EXOC4: variants seen among roughly 807,000 people sequenced by gnomAD.
EXOC4 encodes the protein SEC8-like 1.
EXOC4 carries 71 observed loss-of-function variants against 107.2 expected under a neutral mutation model. The observed-to-expected ratio is 0.66, with a 90% CI of 0.55 to 0.81. EXOC4 has a LOEUF of 0.81. Among genes scored for constraint, EXOC4 ranks in the 30% least tolerant of loss-of-function variants. The pLI is 0.00. For synonymous variants in EXOC4, 456 were observed against 441.2 expected (o/e 1.03, Z -0.42); for missense variants, 1,108 against 1,189.6 (o/e 0.93, Z 1.01).
chr7:133,484,220 A>G (rs1316104092), intron 9 of EXOC4: 8 of 1,460,540 alleles, frequency 5.5e-6, no homozygotes, highest in Non-Finnish European at 6.3e-6. Flanking sequence ...GGTGTTATCA[A>G]TGCATCTCAA....
intron 10 of EXOC4, among the ~76,000 whole-genome samples, chr7:133,784,381 G>A (rs1796527468): frequency 6.6e-6 from 1 of 152,038 alleles, no homozygotes; most frequent in Non-Finnish European, 1.5e-5. Context: ...TCATTCATTT[G>A]CCTTCTAATT....
intron 9 of EXOC4, among the ~76,000 whole-genome samples, chr7:133,505,796 A>T (rs1799655336): frequency 6.6e-6 from 1 of 152,192 alleles, no homozygotes; most frequent in Admixed American, 6.5e-5. Context: ...TAATGTAAAA[A>T]AAAGTTATAA....
rs531242088 is a variant in EXOC4 at position 133,552,651 on chromosome 7, G to A, written c.1417+72513G>A. Among the ~76,000 whole-genome samples, 153 of 152,068 alleles carry A rather than the reference G, an allele frequency of 1.0e-3. 1 individual carries two copies. The highest frequency in any genetic ancestry group is 3.1e-3 in the African/African-American group (129 of 41,470). On this transcript the variant is annotated intron_variant, in intron 9 of 17. Coordinates refer to ENST00000253861, the MANE Select transcript of EXOC4 (RefSeq NM_021807.4). Reference sequence around the variant, plus strand: ...GACTTAGAATGGGAGTAATGAGGAGGGATAGTTTCCTTAACTAGTGATAGA... The same window carrying A: ...GACTTAGAATGGGAGTAATGAGGAGAGATAGTTTCCTTAACTAGTGATAGA...
intron 11 of EXOC4, among the ~76,000 whole-genome samples, chr7:133,871,216 TC>T (rs1466197807): frequency 6.6e-6 from 1 of 152,090 alleles, no homozygotes; most frequent in African/African-American, 2.4e-5. Context: ...GTGTTGCTTT[TC>T]ATCTCTTCCC....
the EXOC4 span, among the ~76,000 whole-genome samples, chr7:134,072,191 G>A: frequency 6.6e-6 from 1 of 152,182 alleles, no homozygotes; most frequent in Non-Finnish European, 1.5e-5. Flanking sequence ...GGCTCAACAT[G>A]TTGCCTTAGC....
At chr7:134,002,334 T>C (rs1377764167) in intron 15 of EXOC4, among the ~76,000 whole-genome samples, 1 of 152,138 alleles carries the variant, frequency 6.6e-6, no homozygotes, top group Admixed American at 6.6e-5. Flanking sequence ...TTAAAATGGA[T>C]CATTCAACTA....
intron 17 of EXOC4, among the ~76,000 whole-genome samples, chr7:134,041,438 A>G (rs1252479161): frequency 6.6e-6 from 1 of 152,234 alleles, no homozygotes; most frequent in African/African-American, 2.4e-5. Context: ...CCAGATTAGC[A>G]ATTTTACTGA....
chr7:133,348,831 C>T (rs1400109323), intron 5 of EXOC4, among the ~76,000 whole-genome samples: 1 of 152,060 alleles, frequency 6.6e-6, no homozygotes, highest in African/African-American at 2.4e-5. Context: ...TTTTGATCTG[C>T]CTTCAGAGTT....
intron 10 of EXOC4, among the ~76,000 whole-genome samples, chr7:133,662,677 C>T (rs1793720050): frequency 6.6e-6 from 1 of 151,976 alleles, no homozygotes; most frequent in African/African-American, 2.4e-5. Flanking sequence ...TTGTCCCATT[C>T]CTCCTCTTTT....
chr7:133,904,266 A>C (rs1799519110), intron 12 of EXOC4, among the ~76,000 whole-genome samples: 2 of 152,210 alleles, frequency 1.3e-5, no homozygotes, highest in South Asian at 4.1e-4. Context: ...AAAATCCCTG[A>C]AATTATGTTT....
At chr7:133,752,110 A>G (rs1405878765) in intron 10 of EXOC4, among the ~76,000 whole-genome samples, 1 of 152,136 alleles carries the variant, frequency 6.6e-6, no homozygotes, top group Non-Finnish European at 1.5e-5. Flanking sequence ...ACAGTGAGCT[A>G]TGATCGTGCC....
At chr7:134,016,914 T>C (rs1166949941) in intron 17 of EXOC4, among the ~76,000 whole-genome samples, 2 of 152,180 alleles carry the variant, frequency 1.3e-5, no homozygotes, top group Non-Finnish European at 2.9e-5. Flanking sequence ...GTCTGTGGTC[T>C]CCTAAATCTC....
At chr7:133,992,033 G>A (rs900030412) in intron 14 of EXOC4, among the ~76,000 whole-genome samples, 1 of 151,990 alleles carries the variant, frequency 6.6e-6, no homozygotes, top group Admixed American at 6.6e-5. Context: ...GAATCTGTAG[G>A]TTGCTTTTGG....
intron 11 of EXOC4, among the ~76,000 whole-genome samples, chr7:133,821,061 C>G (rs1329223615): frequency 6.6e-6 from 1 of 152,178 alleles, no homozygotes; most frequent in Admixed American, 6.6e-5. Flanking sequence ...TTAGCCCAAG[C>G]TGATACAGCA....
rs1364939228 is a variant in EXOC4, at chr7:133,890,664, C to T, written c.1735-4935C>T. 9.6e-5 allele frequency among the ~76,000 whole-genome samples: 3 copies of T among 31,248 alleles called. No homozygotes were observed. The East Asian group carries it at 2.8e-3, about 29-fold the overall frequency. The allele number at this position is 31,248 out of a possible 152,430, so 20.5% of individuals were successfully genotyped here. A position where few individuals can be genotyped will look rare whatever the true frequency, so the allele number is the denominator to read the frequency against. ...TATGGCTAGCCAGTTTTCCCAGCAC[C>T]ATTTATTAAATAGGGAATCCTTTCC... On this transcript the variant is annotated intron_variant, in intron 11 of 17. Transcript: ENST00000253861.
At chr7:134,054,705 A>G (rs1795880913) in intron 17 of EXOC4, among the ~76,000 whole-genome samples, 1 of 152,198 alleles carries the variant, frequency 6.6e-6, no homozygotes, top group Non-Finnish European at 1.5e-5. Context: ...GCCATTCAGA[A>G]TAAATTCATT....
intron 11 of EXOC4, among the ~76,000 whole-genome samples, chr7:133,843,517 T>C (rs1798063456): frequency 6.6e-6 from 1 of 152,218 alleles, no homozygotes; most frequent in African/African-American, 2.4e-5. Flanking sequence ...ACATTGATTT[T>C]GTATCCTGAA....
At chr7:133,855,648 C>A (rs1456649256) in intron 11 of EXOC4, among the ~76,000 whole-genome samples, 3 of 152,074 alleles carry the variant, frequency 2.0e-5, no homozygotes, top group African/African-American at 7.2e-5. Context: ...TAGTGTGTAC[C>A]TTTCTCTTTG....
intron 7 of EXOC4, among the ~76,000 whole-genome samples, chr7:133,474,156 T>C (rs1212689518): frequency 2.0e-5 from 3 of 152,208 alleles, no homozygotes; most frequent in Non-Finnish European, 4.4e-5. Flanking sequence ...TTCCTTCTTA[T>C]TATCTTTCTT....
Sources: allele counts gnomAD v4.1 joint callset (sites outside exome capture counted in the v4.1 genomes callset), GRCh38; gene constraint gnomAD v4.1.1; transcripts MANE v1.5; gene names NCBI Gene and HGNC (gene_info 2026-07-23, HGNC 2026-07-21).